LYRM7: variants seen among roughly 807,000 people sequenced by gnomAD.
LYRM7 encodes LYR motif containing 7, also known as complex III assembly factor LYRM7.
In LYRM7, 9 loss-of-function variants were observed where a neutral mutation model predicts 15.8. The ratio of observed to expected loss-of-function variants is 0.57; its 90% CI spans 0.34 to 0.99. The LOEUF (loss-of-function observed/expected upper bound fraction) is 0.99, where lower values mean the gene tolerates loss of function less well. Ranked by LOEUF, LYRM7 falls within the 50% of genes least tolerant of loss-of-function variation. The pLI is 0.02. For synonymous variants in LYRM7, 39 were observed against 39.4 expected (o/e 0.99, Z 0.04); for missense variants, 115 against 119.1 (o/e 0.97, Z 0.16).
intron 3 of LYRM7, among the ~76,000 whole-genome samples, chr5:131,185,161 A>T (rs11952538): frequency 0.03 from 4,561 of 152,066 alleles, 245 homozygotes; most frequent in African/African-American, 0.1. Flanking sequence ...AATAAACCTT[A>T]AAAAAAGAAA....
At chr5:131,181,294 A>T (rs372258127) in intron 2 of LYRM7, among the ~76,000 whole-genome samples, 645 of 16,294 alleles carry the variant, frequency 0.04, 55 homozygotes, top group African/African-American at 0.078. Context: ...AAAAAAAAAA[A>T]AAAAAAAAAT....
intron 4 of LYRM7, among the ~76,000 whole-genome samples, chr5:131,199,050 G>C (rs1223195107): frequency 1.3e-5 from 2 of 152,064 alleles, no homozygotes; most frequent in Non-Finnish European, 2.9e-5. Context: ...AGCATCCCTG[G>C]CTCCTGCCCA....
chr5:131,170,982 T>C lies in LYRM7; in HGVS notation c.-39T>C. ...ATTGGTTGCTGAGAGGCGGGGCTAC[T>C]CGACTGCTCTGGAGGTAGCGGCCGC... On this transcript the variant is annotated 5_prime_UTR_variant, in exon 1 of 5. Coordinates refer to ENST00000379380, the MANE Select transcript of LYRM7 (RefSeq NM_181705.4). 6.5e-7 allele frequency: 1 copy of C among 1,536,956 alleles called. No homozygotes were observed. The highest frequency in any genetic ancestry group is 8.7e-7 in the Non-Finnish European group (1 of 1,145,672).
At position 131,201,220 on chromosome 5, in the gene LYRM7, A is replaced by T. The variant is rs1756057872; in HGVS notation, c.*1619A>T. On this transcript the variant is annotated 3_prime_UTR_variant, in exon 5 of 5. Coordinates refer to ENST00000379380, the MANE Select transcript of LYRM7 (RefSeq NM_181705.4). ...TCCCAGCTACTCGGGAGGCTGAGGC[A>T]GGAAAATCACTTGAACCCGGGAGGT... 1 of 151,784 alleles carries T rather than the reference A, an allele frequency of 6.6e-6. No homozygotes were observed. The highest frequency in any genetic ancestry group is 6.6e-5 in the Admixed American group (1 of 15,192). 9.4% of individuals were successfully genotyped at this position (151,784 alleles called of 1,614,324 possible).
chr5:131,196,087 A>ATCTATTC (rs1309675283), intron 4 of LYRM7, among the ~76,000 whole-genome samples: 1 of 150,188 alleles, frequency 6.7e-6, no homozygotes, highest in Non-Finnish European at 1.5e-5. Flanking sequence ...CCTCTCCAGT[A>ATCTATTC]TCTATTCTCC....
rs1756137602 is a variant in LYRM7, at chr5:131,204,501, C to T, written c.*4900C>T. 7.2e-6 allele frequency: 1 copy of T among 139,772 alleles called. No individual in the cohort carries two copies. Among genetic ancestry groups the T allele is most frequent in the African/African-American group, 3.1e-5 (1 of 32,322 alleles). 8.7% of individuals were successfully genotyped at this position (139,772 alleles called of 1,614,324 possible). On this transcript the variant is annotated 3_prime_UTR_variant, in exon 5 of 5. Transcript: ENST00000379380. ...ACACACACACACACACACACACACACACACACACACACAGTTTGGGTATCC... is the reference window on the plus strand; with the variant it reads ...ACACACACACACACACACACACACATACACACACACACAGTTTGGGTATCC...
chr5:131,171,507 G>A (rs1268730106), intron 1 of LYRM7: 7 of 154,620 alleles, frequency 4.5e-5, no homozygotes, highest in South Asian at 3.7e-4. Context: ...CTTGTCAAAA[G>A]TAACAGCAAG....
intron 1 of LYRM7, among the ~76,000 whole-genome samples, chr5:131,176,795 C>T (rs183287217): frequency 2.0e-5 from 3 of 152,248 alleles, no homozygotes; most frequent in Admixed American, 2.0e-4. Context: ...TTAGCACCTA[C>T]TTATAAGTCA....
At chr5:131,186,149 CAAGTACATATTA>C (rs2149662965) in intron 3 of LYRM7, among the ~76,000 whole-genome samples, 1 of 152,228 alleles carries the variant, frequency 6.6e-6, no homozygotes, top group Non-Finnish European at 1.5e-5. Flanking sequence ...CAGGGTCTCT[CAAGTACATATTA>C]TTTGATGAGG....
Position 131,199,661 on chromosome 5 carries a change from A to G in LYRM7, c.*60A>G, listed in dbSNP as rs73786627. The G allele has an allele frequency of 5.1e-5, 61 of 1,190,344 alleles. No homozygotes were observed. In the African/African-American group the frequency reaches 8.6e-4, roughly 17 times the overall value. 73.7% of individuals were successfully genotyped at this position (1,190,344 alleles called of 1,614,324 possible). On this transcript the variant is annotated 3_prime_UTR_variant, in exon 5 of 5. Transcript: ENST00000379380. ...AACTTTAAAATCTACAACTCTGGCAAAAGTCCTGGAAATGCAGACATTTTC... is the reference window on the plus strand; with the variant it reads ...AACTTTAAAATCTACAACTCTGGCAGAAGTCCTGGAAATGCAGACATTTTC...
At position 131,200,556 on chromosome 5, in the gene LYRM7, G is replaced by A. The variant is rs1446466100; in HGVS notation, c.*955G>A. The A allele has an allele frequency of 6.6e-6, 1 of 152,248 alleles. No individual in the cohort carries two copies. Among genetic ancestry groups the A allele is most frequent in the Non-Finnish European group, 1.5e-5 (1 of 68,006 alleles). 9.4% of individuals were successfully genotyped at this position (152,248 alleles called of 1,614,324 possible). ...TGCCATTCTATTTTCTCAGTGAATAGTATGTTTTCTCCCATTCACTGATAA... is the reference window on the plus strand; with the variant it reads ...TGCCATTCTATTTTCTCAGTGAATAATATGTTTTCTCCCATTCACTGATAA... On this transcript the variant is annotated 3_prime_UTR_variant, in exon 5 of 5. Transcript: ENST00000379380.
At chr5:131,197,537 C>G (rs1429758305) in intron 4 of LYRM7, among the ~76,000 whole-genome samples, 2 of 103,498 alleles carry the variant, frequency 1.9e-5, no homozygotes, top group Non-Finnish European at 3.7e-5. Context: ...GTGTTGTCTT[C>G]TGTCTTTTTT....
Position 131,171,030 on chromosome 5 carries a change from G to T in LYRM7, c.10G>T (p.Ala4Ser). 6.5e-7 allele frequency: 1 copy of T among 1,536,484 alleles called. No individual in the cohort carries two copies. Among genetic ancestry groups the T allele is most frequent in the Non-Finnish European group, 8.7e-7 (1 of 1,150,750 alleles). Residue 4 changes from alanine to serine, a missense_variant, in exon 1 of 5, where the codon GCA becomes TCA. Ala to Ser is a moderately conservative substitution (Grantham distance 99). Transcript: ENST00000379380. MGR[A>S]VKVLQLFKTL... ...CGCGGTGAGGAGAGCCATGGGACGG[G>T]CAGTCAAGGTGACAGGGCCCGGGAA...
At chr5:131,179,385 C>T (rs1440797821) in intron 1 of LYRM7, among the ~76,000 whole-genome samples, 3 of 150,544 alleles carry the variant, frequency 2.0e-5, no homozygotes, top group Non-Finnish European at 2.9e-5. Context: ...CCTTATAATA[C>T]GATTTGTGTG....
chr5:131,199,871 A>G lies in LYRM7; in HGVS notation c.*270A>G, dbSNP rs115190174. On this transcript the variant is annotated 3_prime_UTR_variant, in exon 5 of 5. Coordinates refer to ENST00000379380, the MANE Select transcript of LYRM7 (RefSeq NM_181705.4). ...AAGCAAAGTAAATGCTTAGGGAGAT[A>G]TATTCAATCTTTGACCTTGATGAGT... The G allele has an allele frequency of 1.1e-3, 252 of 227,756 alleles. No individual in the cohort carries two copies. Among genetic ancestry groups the G allele is most frequent in the African/African-American group, 5.6e-3 (246 of 44,104 alleles). The allele number at this position is 227,756 out of a possible 1,614,324, so 14.1% of individuals were successfully genotyped here.
chr5:131,183,954 TTTTTTGTTTTTGTTTTG>T (rs1266151594), intron 3 of LYRM7, among the ~76,000 whole-genome samples: 2 of 152,010 alleles, frequency 1.3e-5, no homozygotes, highest in African/African-American at 4.8e-5. Context: ...TGGTATTGGT[TTTTTTGTTTTTGTTTTG>T]TTTTTGTTTT....
At chr5:131,171,256 C>G (rs1755517938) in intron 1 of LYRM7, among the ~76,000 whole-genome samples, 1 of 152,088 alleles carries the variant, frequency 6.6e-6, no homozygotes, top group African/African-American at 2.4e-5. Context: ...GTTCCTACTT[C>G]TTGGTACTAA....
In LYRM7 at chr5:131,202,293, G is replaced by A. The variant is rs905165608; in HGVS notation, c.*2692G>A. 2.6e-5 allele frequency: 4 copies of A among 152,080 alleles called. No individual in the cohort carries two copies. Among genetic ancestry groups the A allele is most frequent in the African/African-American group, 7.2e-5 (3 of 41,412 alleles). The allele number at this position is 152,080 out of a possible 1,614,324, so 9.4% of individuals were successfully genotyped here. On this transcript the variant is annotated 3_prime_UTR_variant, in exon 5 of 5. Transcript: ENST00000379380. The stretch of plus-strand genomic sequence containing the variant: ...GTGGATTACCTGAGGTCGGAAGTTC[G>A]AGACCAGCCCAACCAACGTGGAGAA...
chr5:131,171,801 C>T (rs1310075603), intron 1 of LYRM7: 2 of 152,128 alleles, frequency 1.3e-5, no homozygotes, highest in Non-Finnish European at 2.9e-5. Context: ...TATGTCTAGT[C>T]AATAATATGG....
Sources: gnomAD v4.1 joint callset for allele counts (sites outside exome capture counted in the v4.1 genomes callset) on GRCh38, gnomAD v4.1.1 for gene constraint, MANE v1.5 for transcripts, NCBI Gene and HGNC (gene_info 2026-07-23, HGNC 2026-07-21) for gene names.